The following ELMO1 variants were observed in gnomAD, a reference collection of about 807,000 sequenced individuals.
ELMO1 encodes engulfment and cell motility protein 1.
Under a neutral mutation model 98.9 loss-of-function variants are expected in ELMO1, and 26 were observed. That is an observed-to-expected ratio of 0.26 (90% confidence interval 0.19 to 0.36). The LOEUF is 0.36. Among genes scored for constraint, ELMO1 ranks in the 10% least tolerant of loss-of-function variants. The pLI is 1.00. For missense variants in ELMO1, 627 were observed against 935.2 expected (o/e 0.67, Z 4.30); for synonymous variants, 346 against 346.0 (o/e 1.00, Z 0.00).
intron 14 of ELMO1, among the ~76,000 whole-genome samples, chr7:37,110,062 T>C (rs997985222): frequency 4.6e-5 from 7 of 152,216 alleles, no homozygotes; most frequent in African/African-American, 1.7e-4. Flanking sequence ...ATGAGGTATG[T>C]AGTGGGTACT....
intron 2 of ELMO1, among the ~76,000 whole-genome samples, chr7:37,328,198 A>C (rs922826162): frequency 1.3e-5 from 2 of 152,024 alleles, no homozygotes; most frequent in African/African-American, 2.4e-5. Context: ...GCCTGGCCAC[A>C]TGGCAAAACC....
At position 36,892,397 on chromosome 7, in the gene ELMO1, C is replaced by T. The variant is rs1458354972; in HGVS notation, c.1601+2457G>A. Among the ~76,000 whole-genome samples the T allele has an allele frequency of 2.0e-5, 3 of 152,164 alleles. No individual in the cohort carries two copies. In the South Asian group the frequency reaches 6.2e-4, roughly 32 times the overall value. On this transcript the variant is annotated intron_variant, in intron 17 of 21. Coordinates refer to ENST00000310758, the MANE Select transcript of ELMO1 (RefSeq NM_014800.11). ...GGGTTAGATCCAACTCCTCTGTGCT[C>T]TTCCTGTAACTAAGCAATGAGCCCA... is the stretch of plus-strand genomic sequence containing the variant.
chr7:36,970,961 C>T (rs968583029), intron 16 of ELMO1, among the ~76,000 whole-genome samples: 1 of 152,228 alleles, frequency 6.6e-6, no homozygotes, highest in East Asian at 1.9e-4. Flanking sequence ...CCTGACAGAG[C>T]TGGACATCAG....
In ELMO1 at chr7:36,870,037, G is replaced by A. The variant is rs931896807; in HGVS notation, c.1905+356C>T. Among the ~76,000 whole-genome samples the A allele has an allele frequency of 3.3e-5, 5 of 152,204 alleles. No individual in the cohort carries two copies. Among genetic ancestry groups the A allele is most frequent in the African/African-American group, 9.6e-5 (4 of 41,452 alleles). On this transcript the variant is annotated intron_variant, in intron 20 of 21. Coordinates refer to ENST00000310758, the MANE Select transcript of ELMO1 (RefSeq NM_014800.11). The surrounding 1 kb of genome is among the most constrained non-coding windows in gnomAD (Gnocchi z 4.4). ...AGATATTGGGGTGGAAGTTGGAGAAGGGAGAAATAAACATAAATGGGGGAG... is the reference window on the plus strand; with the variant it reads ...AGATATTGGGGTGGAAGTTGGAGAAAGGAGAAATAAACATAAATGGGGGAG...
intron 1 of ELMO1, among the ~76,000 whole-genome samples, chr7:37,367,194 A>G (rs549429865): frequency 2.6e-5 from 4 of 152,304 alleles, no homozygotes; most frequent in Admixed American, 2.0e-4. Context: ...GACTCAGACC[A>G]AAGGTCATCT....
chr7:37,075,147 A>AT (rs113966386), intron 15 of ELMO1, among the ~76,000 whole-genome samples: 6,562 of 140,128 alleles, frequency 0.047, 422 homozygotes, highest in African/African-American at 0.15. Context: ...TTCATTTGGA[A>AT]TTTTTTTTTT....
At position 37,406,300 on chromosome 7, in the gene ELMO1, C is replaced by T. The variant is rs372856600; in HGVS notation, c.-74+42375G>A. 9.7e-4 allele frequency among the ~76,000 whole-genome samples: 146 copies of T among 151,062 alleles called. 1 individual carries two copies. Among genetic ancestry groups the T allele is most frequent in the African/African-American group, 3.5e-3 (143 of 41,146 alleles). On this transcript the variant is annotated intron_variant, in intron 1 of 21. Coordinates refer to ENST00000310758, the MANE Select transcript of ELMO1 (RefSeq NM_014800.11). ...TTTTTCTCTCTTTGTATATATTCCA[C>T]CCTCATGGCAAATATGAAAGATTTC...
intron 14 of ELMO1, among the ~76,000 whole-genome samples, chr7:37,104,096 T>C (rs1784810734): frequency 1.4e-5 from 2 of 147,008 alleles, no homozygotes; most frequent in South Asian, 2.2e-4. Flanking sequence ...AGTCAAGACG[T>C]TCCTAATAAT....
intron 4 of ELMO1, among the ~76,000 whole-genome samples, chr7:37,308,939 C>A (rs187879303): frequency 6.6e-6 from 1 of 152,014 alleles, no homozygotes; most frequent in African/African-American, 2.4e-5. Flanking sequence ...ACAGAGGAGA[C>A]CCATGTTAGG....
intron 15 of ELMO1, among the ~76,000 whole-genome samples, chr7:37,070,598 C>T (rs1797217673): frequency 6.6e-6 from 1 of 152,170 alleles, no homozygotes. Context: ...GGTTTCCAGC[C>T]TCCTGTTCTC....
chr7:37,054,919 T>C (rs1265227717), intron 15 of ELMO1, among the ~76,000 whole-genome samples: 1 of 152,264 alleles, frequency 6.6e-6, no homozygotes, highest in African/African-American at 2.4e-5. Flanking sequence ...GATTCAAACA[T>C]CTTTCCAACC....
At position 37,087,109 on chromosome 7, in the gene ELMO1, TC is replaced by T. The variant is rs201627108; in HGVS notation, c.1300+9509del. Among the ~76,000 whole-genome samples the T allele has an allele frequency of 7.9e-3, 1,200 of 152,336 alleles. 3 individuals are homozygous for T. The highest frequency in any genetic ancestry group is 0.014 in the Middle Eastern group (4 of 294). On this transcript the variant is annotated intron_variant, in intron 15 of 21. Coordinates refer to ENST00000310758, the MANE Select transcript of ELMO1 (RefSeq NM_014800.11). Reference sequence around the variant, plus strand: ...TACATTTTCATTGCTACTGTTATAATCTTTTTTTTCCATTTTATAATTATTG... The same window carrying T: ...TACATTTTCATTGCTACTGTTATAATTTTTTTTTCCATTTTATAATTATTG...
chr7:36,856,189 C>T (rs1378096486), intron 21 of ELMO1, among the ~76,000 whole-genome samples: 1 of 152,230 alleles, frequency 6.6e-6, no homozygotes, highest in Non-Finnish European at 1.5e-5. Flanking sequence ...TTTGCTGACT[C>T]CAGTCATGGC....
intron 15 of ELMO1, among the ~76,000 whole-genome samples, chr7:37,081,325 C>T (rs1225755060): frequency 6.6e-6 from 1 of 152,150 alleles, no homozygotes; most frequent in Non-Finnish European, 1.5e-5. Flanking sequence ...TTTGAATGAA[C>T]ATATTTTCTG....
intron 6 of ELMO1, among the ~76,000 whole-genome samples, chr7:37,255,903 G>T (rs1372868521): frequency 6.6e-6 from 1 of 152,194 alleles, no homozygotes; most frequent in South Asian, 2.1e-4. Context: ...GCCGTGGGGG[G>T]TATGTAGTAT....
chr7:37,021,652 T>C (rs781043364), intron 15 of ELMO1, among the ~76,000 whole-genome samples: 3 of 151,656 alleles, frequency 2.0e-5, no homozygotes, highest in Non-Finnish European at 4.4e-5. Flanking sequence ...CCTCCAGGCC[T>C]CTATATCCCC....
chr7:36,908,816 T>C (rs928807109), intron 16 of ELMO1, among the ~76,000 whole-genome samples: 5 of 152,176 alleles, frequency 3.3e-5, no homozygotes, highest in East Asian at 1.9e-4. Flanking sequence ...ATCAAGTGAG[T>C]TGGGTGCATA....
chr7:36,855,377 A>G lies in ELMO1; in HGVS notation c.*174T>C, dbSNP rs1802119342. ...AGGAACAGAATCAGGGCGGTGAGCA[A>G]GATGCCAGCTAGGGGCTGAAAGTTG... On this transcript the variant is annotated 3_prime_UTR_variant, in exon 22 of 22. Transcript: ENST00000310758. This position sits in a 1 kb window ranked among gnomAD's most constrained non-coding sequence, Gnocchi z 4.2. 1 of 733,438 alleles carries G rather than the reference A, an allele frequency of 1.4e-6. No individual in the cohort carries two copies. Among genetic ancestry groups the G allele is most frequent in the Non-Finnish European group, 2.2e-6 (1 of 444,802 alleles). 45.4% of individuals were successfully genotyped at this position (733,438 alleles called of 1,614,324 possible).
intron 13 of ELMO1, among the ~76,000 whole-genome samples, chr7:37,153,511 C>T (rs959253777): frequency 5.3e-5 from 8 of 152,162 alleles, no homozygotes; most frequent in South Asian, 2.1e-4. Flanking sequence ...GCTGGTCCCA[C>T]GCCCACAGAT....
Sources: allele counts gnomAD v4.1 joint callset (sites outside exome capture counted in the v4.1 genomes callset), GRCh38; gene constraint gnomAD v4.1.1; non-coding constraint Gnocchi (gnomAD v3.1); transcripts MANE v1.5; gene names NCBI Gene and HGNC (gene_info 2026-07-23, HGNC 2026-07-21).